SFPQ: variants seen among roughly 807,000 people sequenced by gnomAD.
SFPQ encodes the protein splicing factor proline and glutamine rich, also known as splicing factor, proline- and glutamine-rich.
A neutral mutation model predicts 72.9 loss-of-function variants in SFPQ; 11 were observed. The observed-to-expected ratio is 0.15, with a 90% CI of 0.09 to 0.25. The LOEUF (loss-of-function observed/expected upper bound fraction) is 0.25, where lower values mean the gene tolerates loss of function less well. Ranked by LOEUF, SFPQ falls within the 10% of genes least tolerant of loss-of-function variation. The pLI is 1.00. For synonymous variants in SFPQ, 506 were observed against 367.3 expected, an observed-to-expected ratio of 1.38 and a Z score of -4.32; for missense variants, 847 against 993.3, an observed-to-expected ratio of 0.85 and a Z score of 1.98.
At position 35,192,866 on chromosome 1, in the gene SFPQ, G is replaced by A. The variant is rs1209562240; in HGVS notation, c.184C>T (p.Pro62Ser). ...TGCTGCTGTTGGTGTGGAGGCGGTG[G>A]CGGGATCGGAGGCTTAGGGCCGCTC... ...GQSGPKPPIP[P>S]PPPHQQQQQP... Residue 62 changes from proline (P) to serine (S), a missense_variant, in exon 1 of 10, where the codon CCA (proline) becomes TCA (serine). By Grantham distance (74) the Pro-to-Ser change is moderately conservative. This residue lies in a region of SFPQ where 498 missense variants were observed against 405.1 expected (regional missense o/e 1.23). Transcript: ENST00000357214. 6.5e-7 allele frequency: 1 copy of A among 1,535,536 alleles called. No individual in the cohort carries two copies.
rs1266667022 is a variant in SFPQ, at chr1:35,192,378, T to G, written c.672A>C (p.Leu224=). 3.6e-6 allele frequency: 5 copies of G among 1,398,350 alleles called. No homozygotes were observed. The highest frequency in any genetic ancestry group is 4.6e-6 in the Non-Finnish European group (5 of 1,087,388). 86.6% of individuals were successfully genotyped at this position (1,398,350 alleles called of 1,614,324 possible). ...GGPKPGGGPG[L]STPGGHPKPP... ...GCTTGGGGTGGCCGCCAGGCGTACT[T>G]AGGCCCGGGCCGCCACCTGGCTTCG... is the stretch of plus-strand genomic sequence containing the variant. Residue 224 remains leucine (L), a synonymous_variant, in exon 1 of 10, where the codon CTA becomes CTC. Transcript: ENST00000357214.
Position 35,184,369 on chromosome 1 carries a change from G to C in SFPQ, c.*87C>G. The C allele has an allele frequency of 1.3e-6, 2 of 1,565,880 alleles. No homozygotes were observed. Among genetic ancestry groups the C allele is most frequent in the Non-Finnish European group, 1.7e-6 (2 of 1,164,542 alleles). ...AACTGCTAACATCCATAAAAAGATA[G>C]CTTTCTTACTAAAATGCAAGAATTT... On this transcript the variant is annotated 3_prime_UTR_variant, in exon 10 of 10. Coordinates refer to ENST00000357214, the MANE Select transcript of SFPQ (RefSeq NM_005066.3).
intron 7 of SFPQ, 32 bp downstream of exon 7, chr1:35,187,941 C>G: frequency 7.3e-7 from 1 of 1,377,644 alleles, no homozygotes; most frequent in Non-Finnish European, 1.0e-6. Flanking sequence ...CTATAGACAA[C>G]TCCAATTGGA....
Position 35,184,289 on chromosome 1 carries a change from T to G in SFPQ, c.*167A>C. The stretch of plus-strand genomic sequence containing the variant: ...AAAAAAATTCTCCTGTTCCAAACAC[T>G]GCATTACATAATTTTACCTGCCCAA... On this transcript the variant is annotated 3_prime_UTR_variant, in exon 10 of 10. Transcript: ENST00000357214. The G allele has an allele frequency of 7.0e-7, 1 of 1,421,186 alleles. No homozygotes were observed. The highest frequency in any genetic ancestry group is 9.1e-7 in the Non-Finnish European group (1 of 1,096,640). The allele number at this position is 1,421,186 out of a possible 1,614,324, so 88.0% of individuals were successfully genotyped here. A position where few individuals can be genotyped will look rare whatever the true frequency, so the allele number is the denominator to read the frequency against.
In SFPQ at chr1:35,192,345, A is replaced by C; in HGVS notation, c.705T>G (p.His235Gln). Residue 235 changes from histidine (H) to glutamine (Q), a missense_variant, in exon 1 of 10, where the codon CAT becomes CAG. Transcript: ENST00000357214. ...CCCCGCGGGGCTCCCCGCCGCCTCGATGCGGCGGCTTGGGGTGGCCGCCAG... is the reference window on the plus strand; with the variant it reads ...CCCCGCGGGGCTCCCCGCCGCCTCGCTGCGGCGGCTTGGGGTGGCCGCCAG... Reference protein sequence around the residue: ...STPGGHPKPPHRGGGEPRGGR... With the variant: ...STPGGHPKPPQRGGGEPRGGR... 2 of 1,398,960 alleles carry C rather than the reference A, an allele frequency of 1.4e-6. No homozygotes were observed. The highest frequency in any genetic ancestry group is 9.2e-7 in the Non-Finnish European group (1 of 1,090,602). 86.7% of individuals were successfully genotyped at this position (1,398,960 alleles called of 1,614,324 possible).
At chr1:35,191,654 TTTA>T (rs1640002484) in intron 1 of SFPQ, 125 bp from the exon 2 acceptor site, 1 of 694,610 alleles carries the variant, frequency 1.4e-6, no homozygotes, top group African/African-American at 1.8e-5. Context: ...AAATCAAGGT[TTTA>T]CTATGTGAGA....
downstream of SFPQ, chr1:35,178,498 C>T (rs1474235118): frequency 9.4e-7 from 1 of 1,063,212 alleles, no homozygotes; most frequent in Non-Finnish European, 1.1e-6. Flanking sequence ...GTGCCCAACT[C>T]CCCTTCCCAC....
rs1348857940 is a variant in SFPQ at position 35,183,515 on chromosome 1, C to G, written c.*941G>C. On this transcript the variant is annotated 3_prime_UTR_variant, in exon 10 of 10. Transcript: ENST00000357214. ...TACAGGCGTGAGCCACCGCGCCCGGCCCAGTTACTAAACCTTCTTACTTTC... is the reference window on the plus strand; with the variant it reads ...TACAGGCGTGAGCCACCGCGCCCGGGCCAGTTACTAAACCTTCTTACTTTC... The G allele has an allele frequency of 8.9e-6, 9 of 1,010,922 alleles. No individual in the cohort carries two copies. Among genetic ancestry groups the G allele is most frequent in the Non-Finnish European group, 9.5e-6 (8 of 844,118 alleles). The allele number at this position is 1,010,922 out of a possible 1,614,324, so 62.6% of individuals were successfully genotyped here.
In SFPQ at chr1:35,183,150, C is replaced by G. The variant is rs1381584490; in HGVS notation, c.*1306G>C. ...TTATAGTCCTATAGATTTTGCCCAA[C>G]AGAAGTAGCACAAGGAGATGTAAAA... On this transcript the variant is annotated 3_prime_UTR_variant, in exon 10 of 10. Transcript: ENST00000357214. The G allele has an allele frequency of 9.8e-7, 1 of 1,025,406 alleles. No individual in the cohort carries two copies. The allele number at this position is 1,025,406 out of a possible 1,614,324, so 63.5% of individuals were successfully genotyped here.
downstream of SFPQ, chr1:35,179,286 TCA>T (rs1639371463): frequency 9.4e-7 from 1 of 1,059,872 alleles, no homozygotes; most frequent in African/African-American, 1.6e-5. Context: ...CCAAAACTAG[TCA>T]CACGCATCTC....
Position 35,183,339 on chromosome 1 carries a change from T to C in SFPQ, c.*1117A>G. On this transcript the variant is annotated 3_prime_UTR_variant, in exon 10 of 10. Coordinates refer to ENST00000357214, the MANE Select transcript of SFPQ (RefSeq NM_005066.3). ...TTCAAGCAATTCTCCTGGCTCAGCC[T>C]CCCGAGTAGCTGGGATTACAGGCGC... The C allele has an allele frequency of 3.2e-6, 1 of 312,188 alleles. No individual in the cohort carries two copies. The highest frequency in any genetic ancestry group is 4.8e-6 in the Non-Finnish European group (1 of 208,552). The allele number at this position is 312,188 out of a possible 1,614,324, so 19.3% of individuals were successfully genotyped here.
At chr1:35,180,116 A>G, downstream of SFPQ, 2 of 1,049,240 alleles carry the variant, frequency 1.9e-6, no homozygotes, top group Non-Finnish European at 2.3e-6. Flanking sequence ...CTTGATACAC[A>G]GAAGAAAAGT....
chr1:35,177,999 T>C (rs1639317511), downstream of SFPQ: 3 of 1,278,226 alleles, frequency 2.3e-6, no homozygotes, highest in Non-Finnish European at 3.0e-6. Context: ...TTCATGTGAA[T>C]GAGCACTCCA....
At chr1:35,182,576 A>G, downstream of SFPQ, 1 of 985,434 alleles carries the variant, frequency 1.0e-6, no homozygotes. Flanking sequence ...TGTTCCAACA[A>G]TAGGTCTCCT....
At chr1:35,189,663 T>C (rs976566902) in intron 4 of SFPQ, among the ~76,000 whole-genome samples, 2 of 152,172 alleles carry the variant, frequency 1.3e-5, no homozygotes, top group African/African-American at 2.4e-5. Flanking sequence ...AAAAATGTAC[T>C]GTAGGCCACA....
downstream of SFPQ, chr1:35,180,963 G>A: frequency 2.0e-6 from 2 of 985,292 alleles, no homozygotes; most frequent in Non-Finnish European, 2.4e-6. Flanking sequence ...AATTCTGCCT[G>A]ACAAATTACA....
At chr1:35,178,149 G>GT, downstream of SFPQ, 2 of 1,097,218 alleles carry the variant, frequency 1.8e-6, no homozygotes, top group South Asian at 5.6e-5. Flanking sequence ...TAAAGATTGG[G>GT]GGTAAGTTAC....
chr1:35,190,277 T>C (rs749046587), intron 4 of SFPQ, among the ~76,000 whole-genome samples: 9 of 152,234 alleles, frequency 5.9e-5, no homozygotes, highest in East Asian at 1.9e-4. Context: ...TATGCCATTA[T>C]TGCAGGGACA....
chr1:35,178,901 A>G, downstream of SFPQ: 1 of 1,040,126 alleles, frequency 9.6e-7, no homozygotes, highest in Non-Finnish European at 1.2e-6. Context: ...AAAAAAAAAA[A>G]TATTTTTTTC....
Sources: allele counts gnomAD v4.1 joint callset (sites outside exome capture counted in the v4.1 genomes callset), GRCh38; gene constraint gnomAD v4.1.1; regional missense constraint gnomAD v4.1.1; transcripts MANE v1.5; gene names NCBI Gene and HGNC (gene_info 2026-07-23, HGNC 2026-07-21).